Variants in SH3PXD2A observed in about 807,000 individuals in gnomAD.
The protein encoded by SH3PXD2A is SH3 and PX domains 2A.
In SH3PXD2A, 32 loss-of-function variants were observed where a neutral mutation model predicts 115.2. The ratio of observed to expected loss-of-function variants is 0.28; its 90% CI spans 0.21 to 0.37. The LOEUF is 0.37. Ranked by LOEUF, SH3PXD2A falls within the 10% of genes least tolerant of loss-of-function variation. The probability of loss-of-function intolerance (pLI) is 1.00; values close to 1 mark genes in which losing one functional copy is unlikely to be tolerated. For synonymous variants in SH3PXD2A, 610 were observed against 629.1 expected (o/e 0.97, Z 0.45); for missense variants, 1,328 against 1,498.7 (o/e 0.89, Z 1.88).
intron 4 of SH3PXD2A, among the ~76,000 whole-genome samples, chr10:103,733,033 C>T (rs1047284677): frequency 6.6e-6 from 1 of 152,126 alleles, no homozygotes; most frequent in African/African-American, 2.4e-5. Context: ...CTTAGTTCAG[C>T]AGAATTAAAG....
chr10:103,816,046 T>C (rs957022895), intron 1 of SH3PXD2A, among the ~76,000 whole-genome samples: 2 of 152,174 alleles, frequency 1.3e-5, no homozygotes, highest in South Asian at 2.1e-4. Flanking sequence ...ATTTCCAGTA[T>C]GTAGAGTGAA....
At chr10:103,686,702 C>A (rs550162890) in intron 6 of SH3PXD2A, among the ~76,000 whole-genome samples, 2 of 152,190 alleles carry the variant, frequency 1.3e-5, no homozygotes, top group South Asian at 4.2e-4. Context: ...AAGCTACTGT[C>A]CCCAGTTATG....
At position 103,601,497 on chromosome 10, in the gene SH3PXD2A, G is replaced by C. The variant is rs916668194; in HGVS notation, c.*319C>G. 2 of 232,698 alleles carry C rather than the reference G, an allele frequency of 8.6e-6. No homozygotes were observed. Among genetic ancestry groups the C allele is most frequent in the African/African-American group, 2.2e-5 (1 of 44,582 alleles). The allele number at this position is 232,698 out of a possible 1,614,324, so 14.4% of individuals were successfully genotyped here. On this transcript the variant is annotated 3_prime_UTR_variant, in exon 15 of 15. Coordinates refer to ENST00000369774, the MANE Select transcript of SH3PXD2A (RefSeq NM_001394015.1). Reference sequence around the variant, plus strand: ...ACAACTGGGGTCTCCCACATGGCCTGTCCCAGATGGCATGTAATCCATTGG... The same window carrying C: ...ACAACTGGGGTCTCCCACATGGCCTCTCCCAGATGGCATGTAATCCATTGG...
intron 1 of SH3PXD2A, among the ~76,000 whole-genome samples, chr10:103,849,473 G>T (rs6584578): frequency 2.3e-4 from 35 of 152,258 alleles, no homozygotes; most frequent in Admixed American, 7.2e-4. Flanking sequence ...GACTCTGACC[G>T]GCACCATGCA....
chr10:103,632,598 G>A (rs2036796487), intron 8 of SH3PXD2A, among the ~76,000 whole-genome samples: 1 of 136,206 alleles, frequency 7.3e-6, no homozygotes, highest in Non-Finnish European at 1.7e-5. Flanking sequence ...GGTGGTATTT[G>A]AGCCTGTCTA....
chr10:103,702,939 T>C (rs1229690876), intron 5 of SH3PXD2A, among the ~76,000 whole-genome samples: 1 of 152,114 alleles, frequency 6.6e-6, no homozygotes, highest in African/African-American at 2.4e-5. Context: ...GTGTCACGTG[T>C]GTGTATGGGT....
intron 6 of SH3PXD2A, among the ~76,000 whole-genome samples, chr10:103,682,007 C>T (rs2037616905): frequency 6.6e-6 from 1 of 152,284 alleles, no homozygotes; most frequent in Non-Finnish European, 1.5e-5. Context: ...TTTCAATGAG[C>T]AGACTCAAGA....
chr10:103,776,497 C>T (rs2134236213), intron 2 of SH3PXD2A, among the ~76,000 whole-genome samples: 1 of 147,480 alleles, frequency 6.8e-6, no homozygotes, highest in South Asian at 2.2e-4. Context: ...TTTGCTAGGG[C>T]CACTGTAACA....
chr10:103,643,673 A>G (rs1463978986), intron 8 of SH3PXD2A, among the ~76,000 whole-genome samples: 1 of 152,178 alleles, frequency 6.6e-6, no homozygotes, highest in East Asian at 1.9e-4. Flanking sequence ...CCTTGACCCA[A>G]TGTGGAGTGA....
rs71709843 is a variant in SH3PXD2A at position 103,596,688 on chromosome 10, C to CT, written c.*5127_*5128insA. On this transcript the variant is annotated 3_prime_UTR_variant, in exon 15 of 15. Coordinates refer to ENST00000369774, the MANE Select transcript of SH3PXD2A (RefSeq NM_001394015.1). ...ACTCTCTCTCTCTCTCTCTCTCTCACAACACATGGCCCTCAAAAAAGTGAG... is the reference window on the plus strand; with the variant it reads ...ACTCTCTCTCTCTCTCTCTCTCTCACTAACACATGGCCCTCAAAAAAGTGAG... The CT allele has an allele frequency of 2.0e-4, 15 of 75,818 alleles. No individual in the cohort carries two copies. In the Admixed American group the frequency reaches 2.2e-3, roughly 11 times the overall value. The allele number at this position is 75,818 out of a possible 1,614,324, so 4.7% of individuals were successfully genotyped here.
At chr10:103,843,734 C>T (rs1003944818) in intron 1 of SH3PXD2A, among the ~76,000 whole-genome samples, 1 of 152,140 alleles carries the variant, frequency 6.6e-6, no homozygotes, top group African/African-American at 2.4e-5. Context: ...TCCCTAGCTC[C>T]CCATCCCCTA....
At chr10:103,801,420 G>T in intron 1 of SH3PXD2A, 58 bp from the exon 2 acceptor site, 2 of 1,071,972 alleles carry the variant, frequency 1.9e-6, no homozygotes, top group Non-Finnish European at 2.9e-6. Flanking sequence ...GTCTGTGCCA[G>T]GCATCATGTA....
chr10:103,688,262 T>C (rs1286412443), intron 6 of SH3PXD2A, among the ~76,000 whole-genome samples: 1 of 152,230 alleles, frequency 6.6e-6, no homozygotes, highest in Non-Finnish European at 1.5e-5. Context: ...AAAGCCACAA[T>C]GACCTTTCTT....
At chr10:103,736,972 G>A (rs1229418104) in intron 3 of SH3PXD2A, 2 of 155,596 alleles carry the variant, frequency 1.3e-5, no homozygotes, top group Admixed American at 1.3e-4. Context: ...CCCAATCTGG[G>A]CCAATGAGAG....
intron 2 of SH3PXD2A, among the ~76,000 whole-genome samples, chr10:103,791,879 G>C (rs963377152): frequency 6.6e-6 from 1 of 152,102 alleles, no homozygotes; most frequent in African/African-American, 2.4e-5. Context: ...AAACTCAATG[G>C]TAACTGGCTT....
chr10:103,661,871 A>G, intron 7 of SH3PXD2A: 1 of 984,884 alleles, frequency 1.0e-6, no homozygotes, highest in African/African-American at 1.7e-5. Flanking sequence ...ACCCAAGAAG[A>G]AAGTCCCCGC....
chr10:103,682,301 C>T lies in SH3PXD2A; in HGVS notation c.427+10727G>A, dbSNP rs536368614. On this transcript the variant is annotated intron_variant, in intron 6 of 14. Transcript: ENST00000369774. ...CCAGGGAGCGTGGCGCAGACACACA[C>T]GTGAGCAGCACTCACTTTCTCCATC... Among the ~76,000 whole-genome samples the T allele has an allele frequency of 2.1e-4, 32 of 152,366 alleles. No individual in the cohort carries two copies. The East Asian group carries it at 4.2e-3, about 20-fold the overall frequency.
intron 3 of SH3PXD2A, among the ~76,000 whole-genome samples, chr10:103,747,423 G>T (rs1463690180): frequency 2.0e-5 from 3 of 152,168 alleles, no homozygotes; most frequent in Non-Finnish European, 4.4e-5. Flanking sequence ...GTGCAGCCTC[G>T]GCTCCTCCCT....
At chr10:103,759,524 G>A (rs543925423) in intron 3 of SH3PXD2A, among the ~76,000 whole-genome samples, 1 of 152,316 alleles carries the variant, frequency 6.6e-6, no homozygotes, top group African/African-American at 2.4e-5. Flanking sequence ...CAGATGGCTT[G>A]CTAGTGGGAG....
Sources: allele counts gnomAD v4.1 joint callset (sites outside exome capture counted in the v4.1 genomes callset), GRCh38; gene constraint gnomAD v4.1.1; transcripts MANE v1.5; gene names NCBI Gene and HGNC (gene_info 2026-07-23, HGNC 2026-07-21).